Variants in BSN observed in about 807,000 individuals in gnomAD.
BSN encodes bassoon presynaptic cytomatrix protein.
A neutral mutation model predicts 264.8 loss-of-function variants in BSN; 57 were observed. The observed-to-expected ratio is 0.22, with a 90% confidence interval of 0.17 to 0.27. The LOEUF (loss-of-function observed/expected upper bound fraction) is 0.27. BSN is among the 10% of genes least tolerant of loss of function. BSN has a pLI of 1.00. For synonymous variants in BSN, 2,059 were observed against 2,137.3 expected (o/e 0.96, Z 1.01); for missense variants, 4,615 against 5,232.5 (o/e 0.88, Z 3.64).
chr3:49,658,993 G>T (rs1367461498), intron 5 of BSN, among the ~76,000 whole-genome samples: 1 of 152,194 alleles, frequency 6.6e-6, no homozygotes, highest in Non-Finnish European at 1.5e-5. Flanking sequence ...GAGGTTTTAG[G>T]CATGTGAGAT....
Position 49,640,172 on chromosome 3 carries a change from C to T in BSN, c.634-2096C>T, listed in dbSNP as rs142213509. On this transcript the variant is annotated intron_variant, in intron 2 of 11. Transcript: ENST00000296452. ...AACCACAGACAGAGAACAACCTTGG[C>T]CTCCAGCCTCAGCTCTGGTTGATGA... Among the ~76,000 whole-genome samples the T allele has an allele frequency of 3.3e-5, 5 of 152,364 alleles. No homozygotes were observed. In the East Asian group the frequency reaches 9.6e-4, roughly 29 times the overall value.
chr3:49,657,825 A>G lies in BSN; in HGVS notation c.8269A>G (p.Arg2757Gly). The G allele has an allele frequency of 6.2e-7, 1 of 1,605,852 alleles. No homozygotes were observed. Among genetic ancestry groups the G allele is most frequent in the Non-Finnish European group, 8.5e-7 (1 of 1,176,438 alleles). The change falls in exon 5 of 12, where the codon AGA becomes GGA. Residue 2757 changes from arginine to glycine, a missense_variant. Around this residue, in one of 3 missense-constraint regions of BSN, gnomAD observed 3,415 missense variants for 3,866.4 expected, o/e 0.88. Coordinates refer to ENST00000296452, the MANE Select transcript of BSN (RefSeq NM_003458.4). ...IQIVTPGPLG[R>G]FEKKKPDPLE... is the part of the protein sequence containing the mutation. Reference sequence around the variant, plus strand: ...GATCGTCACCCCAGGGCCTCTGGGCAGATTTGAAAAAAAGAAGCCAGATCC... The same window carrying G: ...GATCGTCACCCCAGGGCCTCTGGGCGGATTTGAAAAAAAGAAGCCAGATCC...
At position 49,652,551 on chromosome 3, in the gene BSN, C is replaced by G; in HGVS notation, c.2995C>G (p.Leu999Val). 6.2e-7 allele frequency: 1 copy of G among 1,613,620 alleles called. No individual in the cohort carries two copies. The highest frequency in any genetic ancestry group is 8.5e-7 in the Non-Finnish European group (1 of 1,179,974). Residue 999 changes from leucine (L) to valine (V), a missense_variant, in exon 5 of 12, where the codon CTG becomes GTG. By Grantham distance (32) the Leu-to-Val change is conservative. This residue lies in a region of BSN where 1,197 missense variants were observed against 1,348.0 expected (regional missense o/e 0.89). Coordinates refer to ENST00000296452, the MANE Select transcript of BSN (RefSeq NM_003458.4). Reference sequence around the variant, plus strand: ...CACCTCGGGCACCTCTCCCACCTCTCTGTCCTCCCTAGAGGAGGACAGTGA... The same window carrying G: ...CACCTCGGGCACCTCTCCCACCTCTGTGTCCTCCCTAGAGGAGGACAGTGA... ...SYTSGTSPTS[L>V]SSLEEDSDSS...
At chr3:49,633,215 T>G (rs965361389) in intron 2 of BSN, among the ~76,000 whole-genome samples, 1 of 150,736 alleles carries the variant, frequency 6.6e-6, no homozygotes, top group African/African-American at 2.4e-5. Context: ...GGCAGGAGAA[T>G]CGCTTGAACC....
intron 1 of BSN, among the ~76,000 whole-genome samples, chr3:49,614,051 CTT>C (rs35326455): frequency 6.8e-5 from 6 of 87,794 alleles, no homozygotes; most frequent in Admixed American, 4.4e-4. Context: ...GACATTCAGT[CTT>C]TTTTTTTTTT....
intron 1 of BSN, among the ~76,000 whole-genome samples, chr3:49,556,799 G>C (rs2051676063): frequency 6.6e-6 from 1 of 152,200 alleles, no homozygotes; most frequent in Non-Finnish European, 1.5e-5. Flanking sequence ...GAACAGATTG[G>C]CCCATTGATG....
Position 49,653,564 on chromosome 3 carries a change from T to C in BSN, c.4008T>C (p.Val1336=). The C allele has an allele frequency of 6.2e-7, 1 of 1,613,792 alleles. No homozygotes were observed. The change falls in exon 5 of 12, where the codon GTT becomes GTC. Residue 1336 remains valine, a synonymous_variant. Transcript: ENST00000296452. This position sits in a 1 kb window ranked among gnomAD's most constrained non-coding sequence, Gnocchi z 6.3. ...PTSSDSSGGR[V]IPDVRVTQHF... is the part of the protein sequence containing the mutation. ...CCTCAGACAGCAGCGGGGGCCGAGT[T>C]ATTCCCGATGTCCGTGTCACTCAGC...
intron 1 of BSN, among the ~76,000 whole-genome samples, chr3:49,608,876 A>G (rs2052180647): frequency 6.6e-6 from 1 of 151,642 alleles, no homozygotes; most frequent in African/African-American, 2.4e-5. Flanking sequence ...ATACGTCCTT[A>G]GCATCAGCCC....
chr3:49,659,572 A>G (rs184069086), intron 5 of BSN, among the ~76,000 whole-genome samples: 12 of 152,326 alleles, frequency 7.9e-5, no homozygotes, highest in Admixed American at 7.8e-4. Context: ...TGGGTGGTCC[A>G]TGAAACCCAA....
intron 1 of BSN, among the ~76,000 whole-genome samples, chr3:49,620,958 T>A (rs915546028): frequency 6.6e-5 from 10 of 152,168 alleles, no homozygotes; most frequent in Non-Finnish European, 1.3e-4. Context: ...CAAAAAGACT[T>A]ATCCTGGCAA....
rs544251284 is a variant in BSN at position 49,625,088 on chromosome 3, G to A, written c.338G>A (p.Arg113Lys). The change falls in exon 2 of 12, where the codon AGG becomes AAG. Residue 113 changes from arginine (R) to lysine (K), a missense_variant. By Grantham distance (26) the Arg-to-Lys change is conservative. Coordinates refer to ENST00000296452, the MANE Select transcript of BSN (RefSeq NM_003458.4). This position sits in a 1 kb window ranked among gnomAD's most constrained non-coding sequence, Gnocchi z 4.4. ...TPGHESPRET[R>K]AQGPAGQEAD... ...GGCCATGAGAGCCCCCGAGAGACAA[G>A]GGCACAGGGACCAGCAGGCCAGGAG... is the stretch of plus-strand genomic sequence containing the variant. 2 of 1,606,714 alleles carry A rather than the reference G, an allele frequency of 1.2e-6. No individual in the cohort carries two copies. Among genetic ancestry groups the A allele is most frequent in the African/African-American group, 1.3e-5 (1 of 74,642 alleles).
intron 3 of BSN, among the ~76,000 whole-genome samples, chr3:49,649,430 A>T (rs904428888): frequency 6.6e-6 from 1 of 152,066 alleles, no homozygotes; most frequent in Non-Finnish European, 1.5e-5. Flanking sequence ...TGTCTGTGGG[A>T]CCCTGCTCTG....
rs1559595649 is a variant in BSN at position 49,575,413 on chromosome 3, T to TATATATATGTGTATATATATGTAA, written c.224+20600_224+20623dup. Among the ~76,000 whole-genome samples the TATATATATGTGTATATATATGTAA allele has an allele frequency of 8.1e-5, 12 of 147,308 alleles. No homozygotes were observed. The South Asian group carries it at 8.7e-4, about 11-fold the overall frequency. On this transcript the variant is annotated intron_variant, in intron 1 of 11. Transcript: ENST00000296452. Reference sequence around the variant, plus strand: ...ATATATGTGTGTATATATATGTAAATATATATATGTGTATATATATGTAAA... The same window carrying TATATATATGTGTATATATATGTAA: ...ATATATGTGTGTATATATATGTAAATATATATATGTGTATATATATGTAAATATATATGTGTATATATATGTAAA...
intron 1 of BSN, among the ~76,000 whole-genome samples, chr3:49,557,647 CGCTCACTGCAA>C (rs1219478864): frequency 6.6e-6 from 1 of 150,752 alleles, no homozygotes; most frequent in Non-Finnish European, 1.5e-5. Flanking sequence ...GCACGATCTC[CGCTCACTGCAA>C]GCTCCACCTT....
rs1027681206 is a variant in BSN at position 49,669,681 on chromosome 3, A to G, written c.*2196A>G. The G allele has an allele frequency of 2.6e-5, 4 of 152,262 alleles. No homozygotes were observed. Among genetic ancestry groups the G allele is most frequent in the African/African-American group, 9.6e-5 (4 of 41,462 alleles). 9.4% of individuals were successfully genotyped at this position (152,262 alleles called of 1,614,324 possible). A position where few individuals can be genotyped will look rare whatever the true frequency, so the allele number is the denominator to read the frequency against. ...GCTCAGGAAGAGCTGGGCCTTTGGC[A>G]CTTGTGGTGAGAACAGTTGACAGTG... On this transcript the variant is annotated 3_prime_UTR_variant, in exon 12 of 12. Transcript: ENST00000296452.
chr3:49,655,425 G>A lies in BSN; in HGVS notation c.5869G>A (p.Ala1957Thr). The A allele has an allele frequency of 6.4e-7, 1 of 1,569,628 alleles. No individual in the cohort carries two copies. The highest frequency in any genetic ancestry group is 8.6e-7 in the Non-Finnish European group (1 of 1,157,482). Reference sequence around the variant, plus strand: ...GCCTCCTGAGCCCCCAACCTACCGGGCACAGGGGGTGGTGGGGCCTGGGCC... The same window carrying A: ...GCCTCCTGAGCCCCCAACCTACCGGACACAGGGGGTGGTGGGGCCTGGGCC... ...PEPPEPPTYRAQGVVGPGPHE... is the reference protein window; with the variant it reads ...PEPPEPPTYRTQGVVGPGPHE... The change falls in exon 5 of 12, where the codon GCA becomes ACA. Residue 1957 changes from alanine (A) to threonine (T), a missense_variant. Ala to Thr is a moderately conservative substitution (Grantham distance 58). Transcript: ENST00000296452.
intron 5 of BSN, 57 bp downstream of exon 5, chr3:49,658,253 G>T (rs2052627967): frequency 3.4e-6 from 5 of 1,475,238 alleles, no homozygotes; most frequent in Admixed American, 2.5e-5. Flanking sequence ...AGCCCGAGGG[G>T]CCCCCACAGG....
chr3:49,667,304 A>C (rs2052719483), intron 11 of BSN, among the ~76,000 whole-genome samples: 1 of 119,662 alleles, frequency 8.4e-6, no homozygotes. Context: ...CATCACTCTT[A>C]AGCCAAAAAA....
chr3:49,653,198 C>T lies in BSN; in HGVS notation c.3642C>T (p.Gly1214=). 6.2e-7 allele frequency: 1 copy of T among 1,610,214 alleles called. No individual in the cohort carries two copies. Among genetic ancestry groups the T allele is most frequent in the Non-Finnish European group, 8.5e-7 (1 of 1,179,150 alleles). The change falls in exon 5 of 12, where the codon GGC becomes GGT. Residue 1214 remains glycine (G), a synonymous_variant. Coordinates refer to ENST00000296452, the MANE Select transcript of BSN (RefSeq NM_003458.4). The surrounding 1 kb of genome is among the most constrained non-coding windows in gnomAD (Gnocchi z 6.3). ...CAGGGGCCCGGGGACCCCATGGCGG[C>T]CCCTCTCAGCCCACAGGCCCCCGGG... ...QAAGARGPHG[G]PSQPTGPRGL... is the part of the protein sequence containing the mutation.
Sources: allele counts gnomAD v4.1 joint callset (sites outside exome capture counted in the v4.1 genomes callset), GRCh38; gene constraint gnomAD v4.1.1; regional missense constraint gnomAD v4.1.1; non-coding constraint Gnocchi (gnomAD v3.1); transcripts MANE v1.5; gene names NCBI Gene and HGNC (gene_info 2026-07-23, HGNC 2026-07-21).